MORN1: variants seen among roughly 807,000 people sequenced by gnomAD.
MORN1 encodes the protein MORN repeat containing 1.
MORN1 carries 67 observed loss-of-function variants against 61.9 expected under a neutral mutation model. That is an observed-to-expected ratio of 1.08 (90% CI 0.89 to 1.33). The LOEUF is 1.33. MORN1 is among the 40% of genes most tolerant of loss of function. MORN1 has a pLI of 0.00. For synonymous variants in MORN1, 301 were observed against 292.0 expected (o/e 1.03, Z -0.31); for missense variants, 752 against 691.2 (o/e 1.09, Z -0.99).
rs375947320 is a variant in MORN1 at position 2,388,263 on chromosome 1, C to T, written c.223G>A (p.Gly75Ser). 3.7e-6 allele frequency: 6 copies of T among 1,613,818 alleles called. No individual in the cohort carries two copies. Among genetic ancestry groups the T allele is most frequent in the Non-Finnish European group, 5.1e-6 (6 of 1,180,018 alleles). Residue 75 changes from glycine (G) to serine (S), a missense_variant, in exon 3 of 14, where the codon GGC becomes AGC. Coordinates refer to ENST00000378531, the MANE Select transcript of MORN1 (RefSeq NM_024848.3). ...AFVDGEITGE[G>S]RRHWAWSGDT... ...CCTGACCAGGCCCAGTGCCGGCGGC[C>T]TTCTCCCGTGATCTCTCCGTCCACA...
intron 5 of MORN1, 172 bp from the exon 6 acceptor site, chr1:2,385,237 C>G: frequency 6.2e-6 from 4 of 650,018 alleles, no homozygotes; most frequent in Non-Finnish European, 1.1e-5. Flanking sequence ...TGGGGGCCGA[C>G]GACAGGCGGT....
At chr1:2,389,299 C>G (rs1642586784) in intron 2 of MORN1, among the ~76,000 whole-genome samples, 1 of 152,206 alleles carries the variant, frequency 6.6e-6, no homozygotes, top group Non-Finnish European at 1.5e-5. Flanking sequence ...GACGGAGTCT[C>G]AGTCTGTCAC....
chr1:2,390,044 G>A, intron 1 of MORN1, 48 bp from the exon 2 acceptor site: 1 of 1,536,360 alleles, frequency 6.5e-7, no homozygotes, highest in African/African-American at 1.4e-5. Context: ...ACAGAGATGA[G>A]GGATGCTCTC....
At position 2,348,753 on chromosome 1, in the gene MORN1, ACACACG is replaced by A. The variant is rs1286273039; in HGVS notation, c.1036+8673_1036+8678del. 3.0e-4 allele frequency among the ~76,000 whole-genome samples: 21 copies of A among 70,928 alleles called. No individual in the cohort carries two copies. The East Asian group carries it at 3.9e-3, about 13-fold the overall frequency. 46.5% of individuals were successfully genotyped at this position (70,928 alleles called of 152,430 possible). ...CACGCACACCTGCGCGGGCACGCACACACACGCACACCTGCGCAGGCACGCACACAC... is the reference window on the plus strand; with the variant it reads ...CACGCACACCTGCGCGGGCACGCACACACACCTGCGCAGGCACGCACACAC... On this transcript the variant is annotated intron_variant, in intron 10 of 13. Transcript: ENST00000378531.
At chr1:2,377,539 C>G (rs1642269601) in intron 6 of MORN1, 1 of 152,482 alleles carries the variant, frequency 6.6e-6, no homozygotes, top group South Asian at 2.1e-4. Context: ...CTGGCCCACT[C>G]CAAGCAGCCT....
chr1:2,323,616 C>T, intron 13 of MORN1: 3 of 985,310 alleles, frequency 3.0e-6, no homozygotes, highest in Non-Finnish European at 2.4e-6. Flanking sequence ...CCTGAGCCTT[C>T]TCCAGGCCCT....
chr1:2,326,770 C>T (rs1641034529), intron 12 of MORN1: 2 of 151,022 alleles, frequency 1.3e-5, no homozygotes, highest in Non-Finnish European at 2.9e-5. Flanking sequence ...GCTGCCACCA[C>T]CGCGCAGACA....
rs752373611 is a variant in MORN1 at position 2,388,257 on chromosome 1, G to C, written c.229C>G (p.Arg77Gly). The change falls in exon 3 of 14, where the codon CGG becomes GGG. Residue 77 changes from arginine (R) to glycine (G), a missense_variant. Arg to Gly is a moderately radical substitution (Grantham distance 125). Coordinates refer to ENST00000378531, the MANE Select transcript of MORN1 (RefSeq NM_024848.3). ...AGCTCACCTGACCAGGCCCAGTGCC[G>C]GCGGCCTTCTCCCGTGATCTCTCCG... ...VDGEITGEGR[R>G]HWAWSGDTFS... is the part of the protein sequence containing the mutation. The C allele has an allele frequency of 3.3e-5, 54 of 1,613,560 alleles. No individual in the cohort carries two copies. Among genetic ancestry groups the C allele is most frequent in the Non-Finnish European group, 4.4e-5 (52 of 1,179,886 alleles).
chr1:2,371,326 CCTGA>C (rs1418154903), intron 8 of MORN1: 3 of 152,166 alleles, frequency 2.0e-5, no homozygotes, highest in South Asian at 4.1e-4. Flanking sequence ...AGCCACTGTG[CCTGA>C]CTGATAGTCT....
intron 12 of MORN1, among the ~76,000 whole-genome samples, chr1:2,335,709 C>A (rs186282574): frequency 6.6e-6 from 1 of 152,182 alleles, no homozygotes; most frequent in African/African-American, 2.4e-5. Context: ...CGGGTGGGAG[C>A]GGGGCGGGTG....
At chr1:2,336,361 A>G (rs2100254443) in intron 12 of MORN1, 108 bp downstream of exon 12, 2 of 1,145,658 alleles carry the variant, frequency 1.7e-6, no homozygotes, top group East Asian at 2.6e-5. Context: ...CTGTCTTCCC[A>G]GACCAGGCCC....
At chr1:2,381,520 G>A (rs931413935) in intron 6 of MORN1, among the ~76,000 whole-genome samples, 1 of 152,150 alleles carries the variant, frequency 6.6e-6, no homozygotes, top group African/African-American at 2.4e-5. Context: ...GAGGGTGTGC[G>A]GGCCTCGGTT....
At position 2,357,095 on chromosome 1, in the gene MORN1, C is replaced by T. The variant is rs963435482; in HGVS notation, c.1036+337G>A. On this transcript the variant is annotated intron_variant, in intron 10 of 13. Coordinates refer to ENST00000378531, the MANE Select transcript of MORN1 (RefSeq NM_024848.3). The surrounding 1 kb of genome is among the most constrained non-coding windows in gnomAD (Gnocchi z 6.3). ...TCCCGGGCGGCAGGAGTGGCTGGGG[C>T]CGTGTCCAGGCTGGCCACTGGCCTC... is the stretch of plus-strand genomic sequence containing the variant. 4.6e-5 allele frequency among the ~76,000 whole-genome samples: 7 copies of T among 152,162 alleles called. No individual in the cohort carries two copies. Among genetic ancestry groups the T allele is most frequent in the East Asian group, 1.9e-4 (1 of 5,186 alleles).
At position 2,389,071 on chromosome 1, in the gene MORN1, C is replaced by T. The variant is rs556771201; in HGVS notation, c.149-734G>A. On this transcript the variant is annotated intron_variant, in intron 2 of 13. Coordinates refer to ENST00000378531, the MANE Select transcript of MORN1 (RefSeq NM_024848.3). ...AGGTTGCAGTGAGCCGAGATGGCAG[C>T]ATTGCACTCCAGCCTGGGCAACAAG... Among the ~76,000 whole-genome samples, 5 of 146,478 alleles carry T rather than the reference C, an allele frequency of 3.4e-5. No homozygotes were observed. In the East Asian group the frequency reaches 1.0e-3, roughly 30 times the overall value.
intron 12 of MORN1, among the ~76,000 whole-genome samples, chr1:2,331,809 GCGCC>G (rs1641155218): frequency 6.6e-6 from 1 of 151,864 alleles, no homozygotes; most frequent in African/African-American, 2.4e-5. Flanking sequence ...TCCCGCGGCT[GCGCC>G]TCTCCCGCCG....
intron 10 of MORN1, among the ~76,000 whole-genome samples, chr1:2,344,739 A>G (rs970946314): frequency 1.3e-5 from 2 of 152,164 alleles, no homozygotes; most frequent in Non-Finnish European, 2.9e-5. Flanking sequence ...GCCAACTCAC[A>G]GGCTCTACGA....
chr1:2,328,659 G>C (rs749556611), intron 12 of MORN1, among the ~76,000 whole-genome samples: 1 of 152,210 alleles, frequency 6.6e-6, no homozygotes, highest in Non-Finnish European at 1.5e-5. Context: ...CCGCAGATCT[G>C]GGGCCAGCTT....
chr1:2,351,995 G>T, intron 10 of MORN1: 1 of 513,628 alleles, frequency 1.9e-6, no homozygotes. Flanking sequence ...CTCCAGGAAT[G>T]AGACCCCCTC....
chr1:2,322,303 G>A (rs927303907), intron 13 of MORN1: 105 of 985,282 alleles, frequency 1.1e-4, no homozygotes, highest in Non-Finnish European at 1.2e-4. Context: ...GCACCGGAGC[G>A]TGGAAAAAGC....
Sources: allele counts gnomAD v4.1 joint callset (sites outside exome capture counted in the v4.1 genomes callset), GRCh38; gene constraint gnomAD v4.1.1; non-coding constraint Gnocchi (gnomAD v3.1); transcripts MANE v1.5; gene names NCBI Gene and HGNC (gene_info 2026-07-23, HGNC 2026-07-21).